SRGAP2: variants seen among roughly 807,000 people sequenced by gnomAD.
SRGAP2 encodes the protein SLIT-ROBO Rho GTPase-activating protein 2.
A neutral mutation model predicts 57.2 loss-of-function variants in SRGAP2; 15 were observed. The observed-to-expected ratio is 0.26, with a 90% confidence interval of 0.18 to 0.40. The LOEUF is 0.40. Ranked by LOEUF, SRGAP2 falls within the 10% of genes least tolerant of loss-of-function variation. The probability of loss-of-function intolerance (pLI) is 1.00; values close to 1 mark genes in which losing one functional copy is unlikely to be tolerated. For missense variants in SRGAP2, 520 were observed against 669.6 expected (o/e 0.78, Z 2.47); for synonymous variants, 249 against 248.0 (o/e 1.00, Z -0.04).
chr1:206,332,988 G>A (rs1368772251), intron 3 of SRGAP2, among the ~76,000 whole-genome samples: 8 of 151,542 alleles, frequency 5.3e-5, no homozygotes, highest in Admixed American at 2.0e-4. Flanking sequence ...TGGGTTTTCG[G>A]TGTGGATGTC....
chr1:206,437,943 G>A (rs557759975), intron 15 of SRGAP2, 21 bp from the exon 16 acceptor site: 11 of 780,138 alleles, frequency 1.4e-5, no homozygotes, highest in Admixed American at 5.1e-5. Context: ...TTTCCTTTTC[G>A]TGGGGGTTGC....
At chr1:206,326,801 C>T (rs1308416447) in intron 3 of SRGAP2, among the ~76,000 whole-genome samples, 3 of 152,210 alleles carry the variant, frequency 2.0e-5, no homozygotes, top group Non-Finnish European at 4.4e-5. Context: ...GTCTCAGCTG[C>T]ATTAGGCACA....
At chr1:206,262,914 G>A (rs1328902822) in intron 2 of SRGAP2, among the ~76,000 whole-genome samples, 5 of 105,862 alleles carry the variant, frequency 4.7e-5, no homozygotes, top group Non-Finnish European at 5.7e-5. Context: ...AAAACATGAC[G>A]TCAAATTGTT....
chr1:206,335,512 G>A (rs1387232362), intron 3 of SRGAP2, among the ~76,000 whole-genome samples: 10 of 151,566 alleles, frequency 6.6e-5, no homozygotes, highest in African/African-American at 2.4e-4. Flanking sequence ...TTTAGGAGCA[G>A]GAAAGCCATG....
At chr1:206,416,015 C>T (rs1553361807) in intron 11 of SRGAP2, 42 bp downstream of exon 11, 2 of 761,790 alleles carry the variant, frequency 2.6e-6, no homozygotes, top group Admixed American at 1.8e-5. Flanking sequence ...ACAGTGAGGC[C>T]AGCTGGAGCT....
At chr1:206,359,908 G>A (rs1266767834) in intron 4 of SRGAP2, among the ~76,000 whole-genome samples, 1 of 136,580 alleles carries the variant, frequency 7.3e-6, no homozygotes, top group African/African-American at 2.7e-5. Flanking sequence ...CCGGGTTCAC[G>A]CCATTCTCCT....
Position 206,430,293 on chromosome 1 carries a change from G to A in SRGAP2, c.1555+71G>A, listed in dbSNP as rs79976097. ...AGAACTTCCAGGAATTCTTTGTAGA[G>A]TAAGAATAGAGATTGACTTCCCATC... On this transcript the variant is annotated intron_variant, in intron 14 of 22. Coordinates refer to ENST00000573034, the MANE Select transcript of SRGAP2 (RefSeq NM_015326.5). 4.8e-3 allele frequency: 3,702 copies of A among 770,490 alleles called. 109 individuals are homozygous for A. In the African/African-American group the frequency reaches 0.055, roughly 12 times the overall value. The allele number at this position is 770,490 out of a possible 1,614,324, so 47.7% of individuals were successfully genotyped here. A position where few individuals can be genotyped will look rare whatever the true frequency, so the allele number is the denominator to read the frequency against.
intron 22 of SRGAP2, among the ~76,000 whole-genome samples, chr1:206,460,119 CA>C (rs1664142164): frequency 6.6e-6 from 1 of 152,204 alleles, no homozygotes; most frequent in African/African-American, 2.4e-5. Context: ...GTCTGTACGA[CA>C]AAGAAACCTT....
At chr1:206,307,408 G>A (rs1386303876) in intron 3 of SRGAP2, among the ~76,000 whole-genome samples, 15 of 152,222 alleles carry the variant, frequency 9.9e-5, no homozygotes, top group Admixed American at 4.6e-4. Context: ...ATCCCGCACC[G>A]GGGCTGCAGG....
chr1:206,426,935 C>A (rs140455197), intron 13 of SRGAP2, among the ~76,000 whole-genome samples: 1,914 of 152,206 alleles, frequency 0.013, 25 homozygotes, highest in South Asian at 0.027. Context: ...CTCTGTTGAT[C>A]GTTTCCTTTG....
At position 206,461,003 on chromosome 1, in the gene SRGAP2, T is replaced by G. The variant is rs113615495; in HGVS notation, c.2833-34T>G. 79 of 668,192 alleles carry G rather than the reference T, an allele frequency of 1.2e-4. 1 individual carries two copies. In the African/African-American group the frequency reaches 1.3e-3, roughly 11 times the overall value. 41.4% of individuals were successfully genotyped at this position (668,192 alleles called of 1,614,324 possible). On this transcript the variant is annotated intron_variant, in intron 22 of 22. Transcript: ENST00000573034. ...GGCTCCTTGGGGAATTCTCCCCTCA[T>G]TTGCCTCACCTCCTCCTTTTTCCTG...
In SRGAP2 at chr1:206,454,070, T is replaced by C; in HGVS notation, c.2360+690T>C. ...GCCCCCTGTCCGTTTGCCCTGTCTC[T>C]GTCCCCAGCTCCCCTCCCTTGGATA... On this transcript the variant is annotated intron_variant, in intron 20 of 22. Transcript: ENST00000573034. The surrounding 1 kb of genome is among the most constrained non-coding windows in gnomAD (Gnocchi z 4.3). The C allele has an allele frequency of 1.4e-6, 1 of 701,262 alleles. No homozygotes were observed. Among genetic ancestry groups the C allele is most frequent in the Non-Finnish European group, 2.6e-6 (1 of 384,178 alleles). 43.4% of individuals were successfully genotyped at this position (701,262 alleles called of 1,614,324 possible).
chr1:206,417,023 T>G (rs1461031234), intron 11 of SRGAP2, among the ~76,000 whole-genome samples: 1 of 152,286 alleles, frequency 6.6e-6, no homozygotes, highest in East Asian at 1.9e-4. Context: ...CCTACCCACC[T>G]TTTTTGCCCT....
intron 19 of SRGAP2, among the ~76,000 whole-genome samples, chr1:206,452,103 C>G (rs1375911533): frequency 1.3e-5 from 2 of 152,212 alleles, no homozygotes; most frequent in Non-Finnish European, 2.9e-5. Flanking sequence ...ATACCACTTA[C>G]TATGGGCGGG....
chr1:206,389,517 A>G (rs2103085959), intron 5 of SRGAP2, among the ~76,000 whole-genome samples: 1 of 151,912 alleles, frequency 6.6e-6, no homozygotes, highest in African/African-American at 2.4e-5. Context: ...GTTTAGCTCT[A>G]CCTTCATCCC....
At chr1:206,336,593 T>C (rs1674794951) in intron 3 of SRGAP2, among the ~76,000 whole-genome samples, 1 of 95,248 alleles carries the variant, frequency 1.0e-5, no homozygotes, top group Middle Eastern at 4.1e-3. Context: ...GCAAATCCAA[T>C]CCATCCTCTG....
At chr1:206,448,493 C>T (rs533413937) in intron 18 of SRGAP2, among the ~76,000 whole-genome samples, 184 of 152,282 alleles carry the variant, frequency 1.2e-3, no homozygotes, top group Non-Finnish European at 2.0e-3. Context: ...AGAAAGCATC[C>T]TCTTGCCTTT....
At chr1:206,372,985 CTTTCTTTCTTTCTTTCTT>C (rs1654797523) in intron 4 of SRGAP2, among the ~76,000 whole-genome samples, 1 of 81,374 alleles carries the variant, frequency 1.2e-5, no homozygotes, top group African/African-American at 5.4e-5. Context: ...TTCTTTCTTT[CTTTCTTTCTTTCTTTCTT>C]TCTTTCTTTC....
At chr1:206,386,027 A>G (rs1553348368) in intron 5 of SRGAP2, among the ~76,000 whole-genome samples, 1 of 152,242 alleles carries the variant, frequency 6.6e-6, no homozygotes, top group Non-Finnish European at 1.5e-5. Flanking sequence ...AAGTCAAAAC[A>G]TTCTGGTCCA....
Sources: allele counts gnomAD v4.1 joint callset (sites outside exome capture counted in the v4.1 genomes callset), GRCh38; gene constraint gnomAD v4.1.1; non-coding constraint Gnocchi (gnomAD v3.1); transcripts MANE v1.5; gene names NCBI Gene and HGNC (gene_info 2026-07-23, HGNC 2026-07-21).